KCNIP4: variants seen among roughly 807,000 people sequenced by gnomAD.
The protein encoded by KCNIP4 is Kv channel-interacting protein 4.
In KCNIP4, 12 loss-of-function variants were observed where a neutral mutation model predicts 34.0. The ratio of observed to expected loss-of-function variants is 0.35; its 90% CI spans 0.23 to 0.57. KCNIP4 has a LOEUF of 0.57. KCNIP4 is among the 20% of genes least tolerant of loss of function. The pLI is 0.83. For missense variants in KCNIP4, 238 were observed against 311.7 expected, an observed-to-expected ratio of 0.76 and a Z score of 1.78; for synonymous variants, 124 against 102.2, an observed-to-expected ratio of 1.21 and a Z score of -1.29.
intron 1 of KCNIP4, among the ~76,000 whole-genome samples, chr4:21,112,674 T>C (rs11735843): frequency 0.14 from 21,677 of 152,160 alleles, 1,724 homozygotes; most frequent in East Asian, 0.23. Flanking sequence ...CTTGGGCAGA[T>C]GAGTTGTGGC....
intron 1 of KCNIP4, among the ~76,000 whole-genome samples, chr4:21,185,039 T>G (rs995882509): frequency 4.6e-5 from 7 of 152,166 alleles, no homozygotes; most frequent in Non-Finnish European, 1.0e-4. Flanking sequence ...TACAAAAGAT[T>G]GCCAAGAGTT....
At chr4:20,854,408 T>C (rs1477004466) in intron 2 of KCNIP4, among the ~76,000 whole-genome samples, 1 of 152,214 alleles carries the variant, frequency 6.6e-6, no homozygotes, top group Non-Finnish European at 1.5e-5. Context: ...CCAAACCTCG[T>C]GTGTTCTCAC....
intron 3 of KCNIP4, among the ~76,000 whole-genome samples, chr4:20,832,883 A>AG (rs1395265051): frequency 2.0e-5 from 3 of 152,344 alleles, no homozygotes; most frequent in Middle Eastern, 3.4e-3. Flanking sequence ...TATCTGCTCT[A>AG]GTGAACTGGT....
chr4:21,336,925 C>T (rs34146828), intron 1 of KCNIP4, among the ~76,000 whole-genome samples: 8,011 of 152,008 alleles, frequency 0.053, 402 homozygotes, highest in East Asian at 0.19. Flanking sequence ...TGGGAGAACA[C>T]AGCACACAGG....
intron 1 of KCNIP4, among the ~76,000 whole-genome samples, chr4:20,993,264 G>C (rs1437498826): frequency 6.6e-6 from 1 of 152,058 alleles, no homozygotes; most frequent in Non-Finnish European, 1.5e-5. Flanking sequence ...CAAGCAAAAA[G>C]GGAATATGCA....
chr4:21,774,250 G>A (rs1276297115), intron 1 of KCNIP4, among the ~76,000 whole-genome samples: 1 of 152,142 alleles, frequency 6.6e-6, no homozygotes, highest in Non-Finnish European at 1.5e-5. Context: ...CTTTAAGAAT[G>A]TTAAGTATTG....
chr4:20,745,214 A>G (rs535755373), intron 5 of KCNIP4, among the ~76,000 whole-genome samples: 1 of 151,028 alleles, frequency 6.6e-6, no homozygotes, highest in African/African-American at 2.4e-5. Flanking sequence ...TGAAATTACC[A>G]TTTTTTTTTG....
At chr4:21,026,313 T>A (rs991338458) in intron 1 of KCNIP4, among the ~76,000 whole-genome samples, 1 of 152,200 alleles carries the variant, frequency 6.6e-6, no homozygotes, top group Non-Finnish European at 1.5e-5. Context: ...CTCGTTATTA[T>A]AGCTCTTGTT....
At chr4:21,190,514 G>T (rs4697212) in intron 1 of KCNIP4, among the ~76,000 whole-genome samples, 34 of 148,162 alleles carry the variant, frequency 2.3e-4, no homozygotes, top group African/African-American at 8.0e-4. Flanking sequence ...GGTGGGGGGG[G>T]GCACTGAGGG....
intron 1 of KCNIP4, among the ~76,000 whole-genome samples, chr4:21,787,641 T>C (rs1207980981): frequency 6.6e-6 from 1 of 152,208 alleles, no homozygotes; most frequent in African/African-American, 2.4e-5. Context: ...CTAGGGCTAT[T>C]TGACTCCAAA....
intron 1 of KCNIP4, among the ~76,000 whole-genome samples, chr4:21,497,353 C>A (rs1288082631): frequency 2.6e-5 from 4 of 152,044 alleles, no homozygotes; most frequent in African/African-American, 9.7e-5. Flanking sequence ...TCTTACATAC[C>A]CTTGCTTTCC....
At chr4:21,137,207 C>T (rs759263528) in intron 1 of KCNIP4, among the ~76,000 whole-genome samples, 2 of 152,158 alleles carry the variant, frequency 1.3e-5, no homozygotes, top group Non-Finnish European at 1.5e-5. Flanking sequence ...TGGTACCCGA[C>T]GACACCACCA....
At chr4:21,111,858 C>G (rs1400371385) in intron 1 of KCNIP4, among the ~76,000 whole-genome samples, 1 of 152,162 alleles carries the variant, frequency 6.6e-6, no homozygotes, top group Non-Finnish European at 1.5e-5. Flanking sequence ...ATAGTCCTGC[C>G]AGGTCCTGGC....
rs147343488 is a variant in KCNIP4 at position 21,756,799 on chromosome 4, G to A, written c.61+191772C>T. Among the ~76,000 whole-genome samples, 10 of 151,536 alleles carry A rather than the reference G, an allele frequency of 6.6e-5. No homozygotes were observed. In the East Asian group the frequency reaches 1.6e-3, roughly 24 times the overall value. On this transcript the variant is annotated intron_variant, in intron 1 of 8. Coordinates refer to ENST00000382152, the MANE Select transcript of KCNIP4 (RefSeq NM_025221.6). ...ATATTGAAAAGCAAATGTAAAACTC[G>A]CTTTTAGAGAAAATAGGCCAGGCGC...
intron 1 of KCNIP4, among the ~76,000 whole-genome samples, chr4:21,639,849 G>A (rs1171293431): frequency 6.6e-6 from 1 of 152,012 alleles, no homozygotes; most frequent in Non-Finnish European, 1.5e-5. Context: ...GGATAGATTT[G>A]GGGACCCACT....
intron 1 of KCNIP4, among the ~76,000 whole-genome samples, chr4:21,743,466 T>C (rs776178052): frequency 6.6e-6 from 1 of 151,622 alleles, no homozygotes; most frequent in Non-Finnish European, 1.5e-5. Flanking sequence ...CCAGGAAGTA[T>C]GGAGAAATGA....
At chr4:21,552,753 T>C (rs1738683853) in intron 1 of KCNIP4, among the ~76,000 whole-genome samples, 1 of 152,134 alleles carries the variant, frequency 6.6e-6, no homozygotes, top group African/African-American at 2.4e-5. Context: ...GATTGACCTT[T>C]CTTGAGAGTA....
At chr4:21,916,747 A>T (rs1728652508) in intron 1 of KCNIP4, among the ~76,000 whole-genome samples, 1 of 152,220 alleles carries the variant, frequency 6.6e-6, no homozygotes, top group South Asian at 2.1e-4. Context: ...AACTCAAATG[A>T]CGTTATTTGT....
intron 1 of KCNIP4, among the ~76,000 whole-genome samples, chr4:21,255,309 G>C (rs998615860): frequency 4.6e-5 from 7 of 152,036 alleles, no homozygotes; most frequent in African/African-American, 1.5e-4. Flanking sequence ...AGTAATAACA[G>C]CTAAGTTTAA....
Sources: allele counts gnomAD v4.1 joint callset (sites outside exome capture counted in the v4.1 genomes callset), GRCh38; gene constraint gnomAD v4.1.1; transcripts MANE v1.5; gene names NCBI Gene and HGNC (gene_info 2026-07-23, HGNC 2026-07-21).